The following EMP2 variants were observed in gnomAD, a reference collection of about 807,000 sequenced individuals.
EMP2 encodes epithelial membrane protein 2.
Under a neutral mutation model 13.7 loss-of-function variants are expected in EMP2, and 19 were observed. That is an observed-to-expected ratio of 1.38 (90% CI 0.97 to 2.03). The LOEUF is 2.03. Among genes scored for constraint, EMP2 ranks in the 30% most tolerant of loss-of-function variants. The pLI is 0.00. For missense variants in EMP2, 253 were observed against 220.7 expected, an observed-to-expected ratio of 1.15 and a Z score of -0.93; for synonymous variants, 97 against 84.7, an observed-to-expected ratio of 1.15 and a Z score of -0.80.
At chr16:10,555,652 A>C (rs986804043) in intron 1 of EMP2, among the ~76,000 whole-genome samples, 1 of 151,234 alleles carries the variant, frequency 6.6e-6, no homozygotes, top group African/African-American at 2.4e-5. Context: ...CAATGGAGCG[A>C]TCTCGGCTCA....
chr16:10,562,364 CTCTCTCTCTCTCTCTCTATCTA>C (rs1260321066), intron 1 of EMP2, among the ~76,000 whole-genome samples: 9 of 148,070 alleles, frequency 6.1e-5, no homozygotes, highest in African/African-American at 2.0e-4. Context: ...CTCTCTCTCT[CTCTCTCTCTCTCTCTCTATCTA>C]TCTCTCTCTC....
intron 1 of EMP2, among the ~76,000 whole-genome samples, chr16:10,560,124 C>T (rs376893748): frequency 2.2e-3 from 330 of 152,312 alleles, no homozygotes; most frequent in African/African-American, 7.5e-3. Flanking sequence ...ATCTGAATTT[C>T]CCTTCCCTTT....
intron 1 of EMP2, among the ~76,000 whole-genome samples, chr16:10,562,202 C>T (rs190892703): frequency 6.6e-6 from 1 of 152,330 alleles, no homozygotes; most frequent in African/African-American, 2.4e-5. Flanking sequence ...ATCCTCCCAT[C>T]AAGAGGTACA....
chr16:10,549,197 G>T (rs2050763016), intron 1 of EMP2, among the ~76,000 whole-genome samples: 1 of 152,160 alleles, frequency 6.6e-6, no homozygotes, highest in African/African-American at 2.4e-5. Context: ...CTTTACTTTG[G>T]CAGGACAGTT....
At chr16:10,560,743 G>T (rs1269313620) in intron 1 of EMP2, among the ~76,000 whole-genome samples, 1 of 152,186 alleles carries the variant, frequency 6.6e-6, no homozygotes, top group Non-Finnish European at 1.5e-5. Context: ...ACCTGAGCTG[G>T]GTCTCTAAGG....
chr16:10,558,178 C>T (rs141960511), intron 1 of EMP2, among the ~76,000 whole-genome samples: 2 of 152,018 alleles, frequency 1.3e-5, no homozygotes, highest in South Asian at 2.1e-4. Flanking sequence ...TACAGCTGTG[C>T]ACCACCATGC....
At chr16:10,543,473 G>C (rs2050716201) in intron 3 of EMP2, 97 bp downstream of exon 3, 2 of 1,361,554 alleles carry the variant, frequency 1.5e-6, no homozygotes, top group Non-Finnish European at 2.1e-6. Context: ...GCAGTGAGTG[G>C]AGGAGAGGGT....
At chr16:10,534,974 A>G (rs2050635997) in intron 4 of EMP2, among the ~76,000 whole-genome samples, 2 of 152,122 alleles carry the variant, frequency 1.3e-5, no homozygotes, top group Admixed American at 1.3e-4. Flanking sequence ...ACTCCTGGAA[A>G]CCTGAGTCTA....
chr16:10,533,137 T>C (rs2050621130), intron 4 of EMP2, 45 bp from the exon 5 acceptor site: 1 of 1,472,232 alleles, frequency 6.8e-7, no homozygotes, highest in Non-Finnish European at 9.1e-7. Flanking sequence ...TGGACCACAG[T>C]GCACCCTGGG....
intron 1 of EMP2, among the ~76,000 whole-genome samples, chr16:10,566,666 A>G (rs2050908833): frequency 6.6e-6 from 1 of 152,218 alleles, no homozygotes; most frequent in South Asian, 2.1e-4. Context: ...AGTGGTCTCC[A>G]ACCACGAAGT....
intron 3 of EMP2, among the ~76,000 whole-genome samples, chr16:10,542,923 G>T (rs1052214008): frequency 6.6e-6 from 1 of 152,208 alleles, no homozygotes; most frequent in Non-Finnish European, 1.5e-5. Flanking sequence ...TCGGCTCACC[G>T]CAACCTCCGC....
In EMP2 at chr16:10,538,060, G is replaced by A. The variant is rs587777481; in HGVS notation, c.184C>T (p.Gln62Ter). 2 of 1,613,838 alleles carry A rather than the reference G, an allele frequency of 1.2e-6. No individual in the cohort carries two copies. Among genetic ancestry groups the A allele is most frequent in the Middle Eastern group, 1.7e-4 (1 of 5,894 alleles). Reference sequence around the variant, plus strand: ...AGGATCATGGTGGCCTGGACCGCCTGCAGCGTGGAGTACTCTGCGGGAAAA... The same window carrying A: ...AGGATCATGGTGGCCTGGACCGCCTACAGCGTGGAGTACTCTGCGGGAAAA... ...NDSFQEYSTL[Q>*]AVQATMILST... The change falls in exon 4 of 5, where the codon CAG becomes TAG. Residue 62 changes from glutamine to a stop codon, truncating the protein, a stop_gained. Transcript: ENST00000359543. LOFTEE classifies it high-confidence loss of function.
At position 10,529,118 on chromosome 16, in the gene EMP2, A is replaced by T. The variant is rs2050577803; in HGVS notation, c.*3787T>A. 1 of 152,230 alleles carries T rather than the reference A, an allele frequency of 6.6e-6. No individual in the cohort carries two copies. The highest frequency in any genetic ancestry group is 1.5e-5 in the Non-Finnish European group (1 of 68,042). 9.4% of individuals were successfully genotyped at this position (152,230 alleles called of 1,614,324 possible). On this transcript the variant is annotated 3_prime_UTR_variant, in exon 5 of 5. Transcript: ENST00000359543. ...TAATTTTAATGCAAATAACAAAATG[A>T]GTTAGTCTGTCTCCATCACATAGCC...
rs567446379 is a variant in EMP2 at position 10,553,951 on chromosome 16, G to A, written c.-60-6274C>T. 8.5e-4 allele frequency among the ~76,000 whole-genome samples: 129 copies of A among 152,210 alleles called. 3 individuals are homozygous for A. Among genetic ancestry groups the A allele is most frequent in the Admixed American group, 1.8e-3 (28 of 15,300 alleles). ...TTTAAACAATTTAACTTACTGCCAT[G>A]TATACTGGACACTGTTCATACTGTG... On this transcript the variant is annotated intron_variant, in intron 1 of 4. Transcript: ENST00000359543.
Position 10,575,976 on chromosome 16 carries a change from G to A in EMP2, c.-61+4573C>T, listed in dbSNP as rs552076403. On this transcript the variant is annotated intron_variant, in intron 1 of 4. Coordinates refer to ENST00000359543, the MANE Select transcript of EMP2 (RefSeq NM_001424.6). ...CAAAAAGTGTGACACGTCCATCCCA[G>A]GCCCTCTTATAAAGCCATCTCCCCA... Among the ~76,000 whole-genome samples the A allele has an allele frequency of 4.3e-4, 65 of 152,112 alleles. 1 individual carries two copies. Among genetic ancestry groups the A allele is most frequent in the African/African-American group, 1.5e-3 (62 of 41,514 alleles).
Position 10,529,945 on chromosome 16 carries a change from A to G in EMP2, c.*2960T>C, listed in dbSNP as rs201619835. The G allele has an allele frequency of 6.6e-5, 10 of 151,334 alleles. No individual in the cohort carries two copies. The highest frequency in any genetic ancestry group is 2.4e-4 in the African/African-American group (10 of 41,040). The allele number at this position is 151,334 out of a possible 1,614,324, so 9.4% of individuals were successfully genotyped here. ...AAACTCAGTCTCAAAAAAAAAAAAA[A>G]AAAAGAAAAAGAAAAAAGAAAATTA... is the stretch of plus-strand genomic sequence containing the variant. On this transcript the variant is annotated 3_prime_UTR_variant, in exon 5 of 5. Coordinates refer to ENST00000359543, the MANE Select transcript of EMP2 (RefSeq NM_001424.6).
chr16:10,562,383 T>C (rs1355704714), intron 1 of EMP2, among the ~76,000 whole-genome samples: 1 of 117,268 alleles, frequency 8.5e-6, no homozygotes, highest in African/African-American at 3.3e-5. Context: ...TCTCTCTCTA[T>C]CTATCTCTCT....
Position 10,535,643 on chromosome 16 carries a change from G to A in EMP2, c.316+2285C>T, listed in dbSNP as rs532593970. Among the ~76,000 whole-genome samples the A allele has an allele frequency of 4.6e-5, 7 of 152,198 alleles. No individual in the cohort carries two copies. In the South Asian group the frequency reaches 6.2e-4, roughly 14 times the overall value. On this transcript the variant is annotated intron_variant, in intron 4 of 4. Transcript: ENST00000359543. ...GAGCATTGCTTGAGCCCTGGAGGCCGAGGCTGCAGTGAGCCATGATCACGC... is the reference window on the plus strand; with the variant it reads ...GAGCATTGCTTGAGCCCTGGAGGCCAAGGCTGCAGTGAGCCATGATCACGC...
At chr16:10,576,443 A>G (rs1459239030) in intron 1 of EMP2, 1 of 152,056 alleles carries the variant, frequency 6.6e-6, no homozygotes, top group Non-Finnish European at 1.5e-5. Context: ...AACTTGCTTG[A>G]TCTTAAGACT....
Sources: allele counts gnomAD v4.1 joint callset (sites outside exome capture counted in the v4.1 genomes callset), GRCh38; gene constraint gnomAD v4.1.1; transcripts MANE v1.5; gene names NCBI Gene and HGNC (gene_info 2026-07-23, HGNC 2026-07-21).